The following SBDS variants were observed in gnomAD, a reference collection of about 807,000 sequenced individuals.
SBDS encodes the protein SBDS ribosome maturation factor, also known as ribosome maturation protein SBDS.
Under a neutral mutation model 26.4 loss-of-function variants are expected in SBDS, and 20 were observed. That is an observed-to-expected ratio of 0.76 (90% CI 0.53 to 1.10). The LOEUF (loss-of-function observed/expected upper bound fraction) is 1.10. Ranked by LOEUF, SBDS falls within the 50% of genes least tolerant of loss-of-function variation. SBDS has a pLI of 0.00. For synonymous variants in SBDS, 95 were observed against 105.1 expected (o/e 0.90, Z 0.59); for missense variants, 241 against 302.0 (o/e 0.80, Z 1.50).
In SBDS at chr7:66,987,704, A is replaced by C. The variant is rs1436064943; in HGVS notation, c.*667T>G. 1.2e-5 allele frequency: 2 copies of C among 166,528 alleles called. No individual in the cohort carries two copies. Among genetic ancestry groups the C allele is most frequent in the East Asian group, 2.4e-4 (2 of 8,234 alleles). The allele number at this position is 166,528 out of a possible 1,614,324, so 10.3% of individuals were successfully genotyped here. On this transcript the variant is annotated 3_prime_UTR_variant, in exon 5 of 5. Coordinates refer to ENST00000246868, the MANE Select transcript of SBDS (RefSeq NM_016038.4). ...GTCTAGAAACACAAGCCATAGTTTA[A>C]TAAACATAAGAGTGGTTTTATTGAT...
At chr7:66,994,700 A>G (rs1793058948) in intron 1 of SBDS, among the ~76,000 whole-genome samples, 1 of 152,204 alleles carries the variant, frequency 6.6e-6, no homozygotes, top group African/African-American at 2.4e-5. Flanking sequence ...CATGTTGGCC[A>G]GGCTGGCCTC....
At chr7:66,995,198 C>T (rs1482470183) in intron 1 of SBDS, 92 bp downstream of exon 1, 1 of 1,561,554 alleles carries the variant, frequency 6.4e-7, no homozygotes, top group Admixed American at 1.7e-5. Flanking sequence ...AACACCCCAG[C>T]CTGGCCCATT....
At chr7:66,993,452 T>C in intron 2 of SBDS, 35 bp from the exon 3 acceptor site, 1 of 1,503,080 alleles carries the variant, frequency 6.7e-7, no homozygotes, top group South Asian at 1.1e-5. Flanking sequence ...GAAATCACTA[T>C]CTTTCTCTAT....
chr7:66,993,201 A>G lies in SBDS; in HGVS notation c.459+16T>C. The G allele has an allele frequency of 6.2e-7, 1 of 1,608,442 alleles. No homozygotes were observed. Among genetic ancestry groups the G allele is most frequent in the Non-Finnish European group, 8.5e-7 (1 of 1,174,924 alleles). On this transcript the variant is annotated intron_variant, in intron 3 of 4. Transcript: ENST00000246868. Reference sequence around the variant, plus strand: ...ATTTCCATGGCTATATTTTGATGACATGAGAAACCACTCACCTGCTGTTTT... The same window carrying G: ...ATTTCCATGGCTATATTTTGATGACGTGAGAAACCACTCACCTGCTGTTTT...
At chr7:66,995,173 A>T in intron 1 of SBDS, 117 bp downstream of exon 1, 2 of 1,434,026 alleles carry the variant, frequency 1.4e-6, no homozygotes, top group Non-Finnish European at 1.9e-6. Flanking sequence ...GGAATGTTCC[A>T]TTTCCTCCCC....
Position 66,987,981 on chromosome 7 carries a change from T to G in SBDS, c.*390A>C. On this transcript the variant is annotated 3_prime_UTR_variant, in exon 5 of 5. Coordinates refer to ENST00000246868, the MANE Select transcript of SBDS (RefSeq NM_016038.4). ...AATGAAGCATCATATGTTTTCTTTT[T>G]TAGGAAAGACCCCCCCTTTTGTTGT... 3.8e-6 allele frequency: 1 copy of G among 264,994 alleles called. No homozygotes were observed. Among genetic ancestry groups the G allele is most frequent in the Non-Finnish European group, 7.3e-6 (1 of 136,380 alleles). The allele number at this position is 264,994 out of a possible 1,614,324, so 16.4% of individuals were successfully genotyped here.
In SBDS at chr7:66,991,256, G is replaced by C. The variant is rs113993996; in HGVS notation, c.505C>G (p.Arg169Gly). 6.2e-7 allele frequency: 1 copy of C among 1,613,382 alleles called. No individual in the cohort carries two copies. The highest frequency in any genetic ancestry group is 1.1e-5 in the South Asian group (1 of 90,864). ...KQLKEKMKIE[R>G]AHMRLRFILP... ...ATGAACCGAAGCCTCATGTGAGCAC[G>C]TTCTATCTTCATTTTCTCTTTTAAC... The change falls in exon 4 of 5, where the codon CGT becomes GGT. Residue 169 changes from arginine (R) to glycine (G), a missense_variant. Coordinates refer to ENST00000246868, the MANE Select transcript of SBDS (RefSeq NM_016038.4).
rs1178152288 is a variant in SBDS at position 66,991,129 on chromosome 7, A to C, written c.624+8T>G. On this transcript the variant is annotated splice_region_variant and intron_variant, in intron 4 of 4. Coordinates refer to ENST00000246868, the MANE Select transcript of SBDS (RefSeq NM_016038.4). The stretch of plus-strand genomic sequence containing the variant: ...TAACATGAAGCAAAGAAAATATTTG[A>C]CTCTTACGATTTCTAACTGTTGGCC... 6.2e-7 allele frequency: 1 copy of C among 1,608,812 alleles called. No homozygotes were observed. The highest frequency in any genetic ancestry group is 1.1e-5 in the South Asian group (1 of 89,990).
intron 1 of SBDS, chr7:66,995,057 A>G (rs560746152): frequency 5.1e-6 from 3 of 589,008 alleles, no homozygotes; most frequent in East Asian, 5.7e-5. Context: ...TATGACACCA[A>G]CAAAACAAAA....
At chr7:66,994,567 T>C (rs1394007595) in intron 1 of SBDS, among the ~76,000 whole-genome samples, 4 of 151,518 alleles carry the variant, frequency 2.6e-5, no homozygotes, top group African/African-American at 2.4e-5. Flanking sequence ...CGATCTCGGG[T>C]CACTGTAACC....
chr7:66,988,044 A>G lies in SBDS; in HGVS notation c.*327T>C, dbSNP rs1324795689. On this transcript the variant is annotated 3_prime_UTR_variant, in exon 5 of 5. Coordinates refer to ENST00000246868, the MANE Select transcript of SBDS (RefSeq NM_016038.4). ...CTAATAATCTTACTCTACTGTACAA[A>G]TAACTTTTCACCCACAAGAGCTGCC... 2 of 417,664 alleles carry G rather than the reference A, an allele frequency of 4.8e-6. No homozygotes were observed. The highest frequency in any genetic ancestry group is 2.0e-5 in the African/African-American group (1 of 50,402). The allele number at this position is 417,664 out of a possible 1,614,324, so 25.9% of individuals were successfully genotyped here.
intron 3 of SBDS, among the ~76,000 whole-genome samples, chr7:66,992,473 A>G (rs1284418880): frequency 6.6e-6 from 1 of 152,206 alleles, no homozygotes; most frequent in Non-Finnish European, 1.5e-5. Flanking sequence ...TGGTATGTGA[A>G]TTATATATAA....
At chr7:66,988,687 G>C (rs1792916824) in intron 4 of SBDS, among the ~76,000 whole-genome samples, 188 bp from the exon 5 acceptor site, 1 of 152,106 alleles carries the variant, frequency 6.6e-6, no homozygotes, top group Non-Finnish European at 1.5e-5. Context: ...CTGCCCTCAA[G>C]TGTCCATGTA....
rs2129232234 is a variant in SBDS at position 66,993,283 on chromosome 7, G to A, written c.393C>T (p.Ile131=). The part of the protein sequence containing the change: ...NPETKRPYTV[I]LIERAMKDIH... ...TGTCCTTCATGGCTCTCTCAATAAG[G>A]ATCACGGTGTATGGTCTCTTTGTTT... is the stretch of plus-strand genomic sequence containing the variant. The change falls in exon 3 of 5, where the codon ATC becomes ATT. Residue 131 remains isoleucine, a synonymous_variant. Transcript: ENST00000246868. 1.2e-6 allele frequency: 2 copies of A among 1,614,128 alleles called. No individual in the cohort carries two copies. The highest frequency in any genetic ancestry group is 1.7e-6 in the Non-Finnish European group (2 of 1,180,034).
rs1003576090 is a variant in SBDS at position 66,987,914 on chromosome 7, G to A, written c.*457C>T. On this transcript the variant is annotated 3_prime_UTR_variant, in exon 5 of 5. Coordinates refer to ENST00000246868, the MANE Select transcript of SBDS (RefSeq NM_016038.4). ...GAACATCATCCAAGCTTTACATTACGATACCATAATGACCCTCAGAACACA... is the reference window on the plus strand; with the variant it reads ...GAACATCATCCAAGCTTTACATTACAATACCATAATGACCCTCAGAACACA... 32 of 217,214 alleles carry A rather than the reference G, an allele frequency of 1.5e-4. No individual in the cohort carries two copies. The highest frequency in any genetic ancestry group is 6.4e-4 in the African/African-American group (28 of 43,986). The allele number at this position is 217,214 out of a possible 1,614,324, so 13.5% of individuals were successfully genotyped here.
At chr7:66,991,047 G>A in intron 4 of SBDS, 90 bp downstream of exon 4, 5 of 1,222,108 alleles carry the variant, frequency 4.1e-6, no homozygotes, top group Middle Eastern at 2.6e-4. Flanking sequence ...AATATCTGAC[G>A]TTTACAACAT....
intron 1 of SBDS, 75 bp from the exon 2 acceptor site, chr7:66,994,416 A>G (rs1251299845): frequency 2.3e-6 from 3 of 1,292,204 alleles, no homozygotes; most frequent in Non-Finnish European, 3.4e-6. Flanking sequence ...TAAATACGAG[A>G]TGGCAACAAC....
rs186000847 is a variant in SBDS, at chr7:66,994,193, T to C, written c.258+19A>G. 22,300 of 1,613,204 alleles carry C rather than the reference T, an allele frequency of 0.014. 196 individuals carry two copies. The highest frequency in any genetic ancestry group is 0.016 in the Non-Finnish European group (19,104 of 1,179,278). On this transcript the variant is annotated intron_variant, in intron 2 of 4. Transcript: ENST00000246868. ...TATAAATGGTTATTAGGGTTAGCTA[T>C]GCTGCAGCTGTTACCCACCTGCTTA...
Position 66,995,501 on chromosome 7 carries a change from A to C in SBDS, c.-84T>G. 1 of 1,602,390 alleles carries C rather than the reference A, an allele frequency of 6.2e-7. No homozygotes were observed. ...TGAAGGCCACCAGCGCCTCGCGGTAACGACCGATCGGCGCGCGGCACTGAC... is the reference window on the plus strand; with the variant it reads ...TGAAGGCCACCAGCGCCTCGCGGTACCGACCGATCGGCGCGCGGCACTGAC... On this transcript the variant is annotated 5_prime_UTR_variant, in exon 1 of 5. Transcript: ENST00000246868.
Sources: allele counts gnomAD v4.1 joint callset (sites outside exome capture counted in the v4.1 genomes callset), GRCh38; gene constraint gnomAD v4.1.1; transcripts MANE v1.5; gene names NCBI Gene and HGNC (gene_info 2026-07-23, HGNC 2026-07-21).